Variants in DNAH2 observed in about 807,000 individuals in gnomAD.
DNAH2 encodes dynein axonemal heavy chain 2.
A neutral mutation model predicts 523.5 loss-of-function variants in DNAH2; 323 were observed. That is an observed-to-expected ratio of 0.62 (90% CI 0.56 to 0.68). The LOEUF (loss-of-function observed/expected upper bound fraction) is 0.68, where lower values mean the gene tolerates loss of function less well. Among genes scored for constraint, DNAH2 ranks in the 30% least tolerant of loss-of-function variants. The pLI, the probability that DNAH2 is intolerant of heterozygous loss-of-function variation, is 0.00. For missense variants in DNAH2, 4,907 were observed against 5,701.5 expected, an observed-to-expected ratio of 0.86 and a Z score of 4.49; for synonymous variants, 2,093 against 2,177.4, an observed-to-expected ratio of 0.96 and a Z score of 1.08.
rs747821901 is a variant in DNAH2 at position 7,824,517 on chromosome 17, A to G, written c.11663-20A>G. ...AGGGCTTAGGAAATGATTCCCACTG[A>G]CCCTGGCATCTCCTTGCAGGACACT... On this transcript the variant is annotated intron_variant, in intron 76 of 85. Transcript: ENST00000572933. 2 of 1,521,306 alleles carry G rather than the reference A, an allele frequency of 1.3e-6. No homozygotes were observed. The highest frequency in any genetic ancestry group is 1.8e-6 in the Non-Finnish European group (2 of 1,125,168). The allele number at this position is 1,521,306 out of a possible 1,614,324, so 94.2% of individuals were successfully genotyped here.
In DNAH2 at chr17:7,759,124, GGTA is replaced by G. The variant is rs2075931688; in HGVS notation, c.2448+2_2448+4del. The G allele has an allele frequency of 6.2e-7, 1 of 1,613,788 alleles. No individual in the cohort carries two copies. The highest frequency in any genetic ancestry group is 8.5e-7 in the Non-Finnish European group (1 of 1,179,898). ...AGGTCTTCAAGAATGATGGTCCTGA[GGTA>G]GGGTTCCTGTGGCCAGGATGTTGTG... On this transcript the variant is annotated splice_donor_variant and splice_donor_region_variant and intron_variant, in intron 15 of 85. Transcript: ENST00000572933. LOFTEE classifies it high-confidence loss of function.
In DNAH2 at chr17:7,821,714, C is replaced by G. The variant is rs2077859680; in HGVS notation, c.11142+345C>G. 6.6e-6 allele frequency among the ~76,000 whole-genome samples: 1 copy of G among 152,102 alleles called. No individual in the cohort carries two copies. The highest frequency in any genetic ancestry group is 2.1e-4 in the South Asian group (1 of 4,828). On this transcript the variant is annotated intron_variant, in intron 73 of 85. Coordinates refer to ENST00000572933, the MANE Select transcript of DNAH2 (RefSeq NM_020877.5). This position sits in a 1 kb window ranked among gnomAD's most constrained non-coding sequence, Gnocchi z 5.0. ...TCTCTCCCTCACAGGCTCCTCAACCCCAGCTTTTCTCCTCTCTCTGTCGCA... is the reference window on the plus strand; with the variant it reads ...TCTCTCCCTCACAGGCTCCTCAACCGCAGCTTTTCTCCTCTCTCTGTCGCA...
chr17:7,740,698 C>A, intron 10 of DNAH2, 112 bp from the exon 11 acceptor site: 3 of 1,527,556 alleles, frequency 2.0e-6, no homozygotes, highest in Non-Finnish European at 8.8e-7. Flanking sequence ...CTGGCTTCGG[C>A]GTCCCCGGGA....
At position 7,821,317 on chromosome 17, in the gene DNAH2, C is replaced by T. The variant is rs758801862; in HGVS notation, c.11090C>T (p.Thr3697Ile). ...SFHMCAKILE[T>I]SGKLNMDEYN... ...CATATGTGTGCCAAAATCTTGGAGA[C>T]TTCTGGCAAGCTCAACATGGATGAA... is the stretch of plus-strand genomic sequence containing the variant. The change falls in exon 73 of 86, where the codon ACT (threonine) becomes ATT (isoleucine). Residue 3697 changes from threonine (T) to isoleucine (I), a missense_variant. By Grantham distance (89) the Thr-to-Ile change is moderately conservative. Around this residue, in one of 3 missense-constraint regions of DNAH2, gnomAD observed 1,851 missense variants for 2,139.4 expected, o/e 0.87. Coordinates refer to ENST00000572933, the MANE Select transcript of DNAH2 (RefSeq NM_020877.5). This position sits in a 1 kb window ranked among gnomAD's most constrained non-coding sequence, Gnocchi z 5.0. 7 of 1,613,842 alleles carry T rather than the reference C, an allele frequency of 4.3e-6. No individual in the cohort carries two copies. The South Asian group carries it at 6.6e-5, about 15-fold the overall frequency.
chr17:7,786,266 C>G lies in DNAH2; in HGVS notation c.6272C>G (p.Thr2091Ser), dbSNP rs1393724030. The change falls in exon 40 of 86, where the codon ACT becomes AGT. Residue 2091 changes from threonine (T) to serine (S), a missense_variant. Thr to Ser is a moderately conservative substitution (Grantham distance 58). Coordinates refer to ENST00000572933, the MANE Select transcript of DNAH2 (RefSeq NM_020877.5). This position sits in a 1 kb window ranked among gnomAD's most constrained non-coding sequence, Gnocchi z 7.5. ...MIVGCTGSGK[T>S]ASWRILQASL... is the part of the protein sequence containing the mutation. Reference sequence around the variant, plus strand: ...GTGGGCTGCACGGGCAGCGGCAAGACTGCCTCATGGCGCATTCTACAGGCC... The same window carrying G: ...GTGGGCTGCACGGGCAGCGGCAAGAGTGCCTCATGGCGCATTCTACAGGCC... 1.2e-6 allele frequency: 2 copies of G among 1,614,006 alleles called. No homozygotes were observed. The highest frequency in any genetic ancestry group is 1.7e-6 in the Non-Finnish European group (2 of 1,180,034).
chr17:7,740,567 C>T lies in DNAH2; in HGVS notation c.1506+18C>T. 3 of 1,610,898 alleles carry T rather than the reference C, an allele frequency of 1.9e-6. No homozygotes were observed. The highest frequency in any genetic ancestry group is 2.5e-6 in the Non-Finnish European group (3 of 1,179,594). ...CCCGCGAGGTGCGGCTGCCCCGCGG[C>T]TTCCTCGGCTTCCCGTCCCGCGTGC... On this transcript the variant is annotated intron_variant, in intron 10 of 85. Coordinates refer to ENST00000572933, the MANE Select transcript of DNAH2 (RefSeq NM_020877.5).
Position 7,804,317 on chromosome 17 carries a change from T to C in DNAH2, c.9034T>C (p.Phe3012Leu), listed in dbSNP as rs1443670465. The change falls in exon 59 of 86, where the codon TTC becomes CTC. Residue 3012 changes from phenylalanine to leucine, a missense_variant. Physicochemically the swap from Phe to Leu is conservative, Grantham distance 22 (BLOSUM62 0). Around this residue, in one of 3 missense-constraint regions of DNAH2, gnomAD observed 1,851 missense variants for 2,139.4 expected, o/e 0.87. Coordinates refer to ENST00000572933, the MANE Select transcript of DNAH2 (RefSeq NM_020877.5). Reference protein sequence around the residue: ...AQANKLRTGLFKIDETREKVQ... With the variant: ...AQANKLRTGLLKIDETREKVQ... ...AGCCAATAAACTGCGGACAGGCTTGTTCAAGATCGACGAAACTAGGGAAAA... is the reference window on the plus strand; with the variant it reads ...AGCCAATAAACTGCGGACAGGCTTGCTCAAGATCGACGAAACTAGGGAAAA... 16 of 1,614,156 alleles carry C rather than the reference T, an allele frequency of 9.9e-6. No homozygotes were observed. Among genetic ancestry groups the C allele is most frequent in the Non-Finnish European group, 1.3e-5 (15 of 1,180,032 alleles).
Position 7,797,456 on chromosome 17 carries a change from T to A in DNAH2, c.8006T>A (p.Ile2669Lys), listed in dbSNP as rs1401256947. 1 of 1,614,194 alleles carries A rather than the reference T, an allele frequency of 6.2e-7. No homozygotes were observed. Among genetic ancestry groups the A allele is most frequent in the Non-Finnish European group, 8.5e-7 (1 of 1,180,050 alleles). ...GACACAGAAGCCTTCATGGGCATCA[T>A]AAGCGACAAGCTCGGCTCCTTCTTT... ...AADTEAFMGI[I>K]SDKLGSFFDL... The change falls in exon 52 of 86, where the codon ATA becomes AAA. Residue 2669 changes from isoleucine to lysine, a missense_variant. Around this residue, in one of 3 missense-constraint regions of DNAH2, gnomAD observed 250 missense variants for 371.3 expected, o/e 0.67. Transcript: ENST00000572933.
At chr17:7,723,268 CTTTTTTTTTTTT>C (rs58689789) in intron 2 of DNAH2, among the ~76,000 whole-genome samples, 1 of 59,914 alleles carries the variant, frequency 1.7e-5, no homozygotes. Flanking sequence ...CTGTACCCGG[CTTTTTTTTTTTT>C]TTTTTTTTTT....
rs775693528 is a variant in DNAH2, at chr17:7,818,601, G to A, written c.10537-42G>A. ...GAAAGAGATGAGGAAGGTGAAGGTC[G>A]AAGGAGTGACAGCCCCTCACTGTGA... On this transcript the variant is annotated intron_variant, in intron 69 of 85. Transcript: ENST00000572933. The A allele has an allele frequency of 5.9e-5, 95 of 1,610,626 alleles. 1 individual carries two copies. The highest frequency in any genetic ancestry group is 1.8e-4 in the South Asian group (16 of 90,986).
intron 4 of DNAH2, among the ~76,000 whole-genome samples, chr17:7,731,912 C>G (rs547908385): frequency 7.8e-4 from 118 of 151,778 alleles, no homozygotes; most frequent in African/African-American, 2.7e-3. Flanking sequence ...GCTTGTAATC[C>G]TAGCTACTCG....
chr17:7,763,793 G>T, intron 18 of DNAH2, 38 bp from the exon 19 acceptor site: 1 of 1,611,980 alleles, frequency 6.2e-7, no homozygotes, highest in Non-Finnish European at 8.5e-7. Context: ...TGTCTGCAAA[G>T]AAAACAACAT....
intron 8 of DNAH2, chr17:7,738,049 C>A (rs1313645787): frequency 1.4e-6 from 1 of 703,506 alleles, no homozygotes; most frequent in Admixed American, 2.0e-5. Context: ...GCAAGGAGGA[C>A]CTGCAAGGCT....
Position 7,831,074 on chromosome 17 carries a change from A to G in DNAH2, c.12231-12A>G, listed in dbSNP as rs1355279439. ...CCCACAATGTGGCAGTAATTATGCT[A>G]TGACTCCCTAGGTTGTCAGCACTGG... On this transcript the variant is annotated splice_polypyrimidine_tract_variant and intron_variant, in intron 79 of 85. Coordinates refer to ENST00000572933, the MANE Select transcript of DNAH2 (RefSeq NM_020877.5). This position sits in a 1 kb window ranked among gnomAD's most constrained non-coding sequence, Gnocchi z 4.2. 2 of 1,610,240 alleles carry G rather than the reference A, an allele frequency of 1.2e-6. No homozygotes were observed. The highest frequency in any genetic ancestry group is 1.3e-5 in the African/African-American group (1 of 74,866).
chr17:7,737,161 C>G lies in DNAH2; in HGVS notation c.1073C>G (p.Ser358Cys). 1 of 1,614,164 alleles carries G rather than the reference C, an allele frequency of 6.2e-7. No homozygotes were observed. The highest frequency in any genetic ancestry group is 2.2e-5 in the East Asian group (1 of 44,886). The change falls in exon 8 of 86, where the codon TCT (serine) becomes TGT (cysteine). Residue 358 changes from serine to cysteine, a missense_variant. Transcript: ENST00000572933. Reference protein sequence around the residue: ...ELAFMKPKDISSKLPKLISLI... With the variant: ...ELAFMKPKDICSKLPKLISLI... ...GCTTTCATGAAGCCCAAGGACATCT[C>G]TAGCAAGCTCCCTAAGCTGATCAGT...
intron 2 of DNAH2, among the ~76,000 whole-genome samples, chr17:7,721,027 G>A (rs912015537): frequency 3.6e-5 from 1 of 28,058 alleles, no homozygotes; most frequent in African/African-American, 1.1e-4. Flanking sequence ...TTTTTTTTTT[G>A]AGACAAATTC....
intron 39 of DNAH2, among the ~76,000 whole-genome samples, chr17:7,782,006 T>C (rs1035454448): frequency 6.6e-6 from 1 of 152,222 alleles, no homozygotes; most frequent in Non-Finnish European, 1.5e-5. Flanking sequence ...ACATCCTTTT[T>C]AATGCATTGC....
intron 14 of DNAH2, 88 bp downstream of exon 14, chr17:7,758,739 G>A: frequency 3.2e-6 from 5 of 1,561,526 alleles, no homozygotes; most frequent in Non-Finnish European, 4.3e-6. Context: ...GAAACCTGGG[G>A]GTAGTGTAAA....
At chr17:7,810,984 A>G (rs1193684185) in intron 63 of DNAH2, among the ~76,000 whole-genome samples, 1 of 152,212 alleles carries the variant, frequency 6.6e-6, no homozygotes, top group Admixed American at 6.6e-5. Context: ...TGGCGTAGAT[A>G]GGGCCCCAGA....
Sources: gnomAD v4.1 joint callset for allele counts (sites outside exome capture counted in the v4.1 genomes callset) on GRCh38, gnomAD v4.1.1 for gene constraint, gnomAD v4.1.1 regional missense constraint, Gnocchi (gnomAD v3.1) non-coding constraint, MANE v1.5 for transcripts, NCBI Gene and HGNC (gene_info 2026-07-23, HGNC 2026-07-21) for gene names.